Variants in MALRD1 observed in about 807,000 individuals in gnomAD.
MALRD1 encodes MAM and LDL-receptor class A domain-containing protein 1.
MALRD1 carries 247 observed loss-of-function variants against 242.1 expected under a neutral mutation model. The observed-to-expected ratio is 1.02, with a 90% CI of 0.92 to 1.13. MALRD1 has a LOEUF of 1.13. Ranked by LOEUF, MALRD1 falls within the 50% of genes most tolerant of loss-of-function variation. The pLI is 0.00. For missense variants in MALRD1, 2,989 were observed against 2,533.1 expected (o/e 1.18, Z -3.86); for synonymous variants, 995 against 866.6 (o/e 1.15, Z -2.60).
intron 38 of MALRD1, among the ~76,000 whole-genome samples, chr10:19,698,495 G>A (rs946507710): frequency 1.3e-5 from 2 of 152,150 alleles, no homozygotes; most frequent in African/African-American, 2.4e-5. Context: ...GGAGGCAACT[G>A]GAAAGAAAGG....
chr10:19,400,268 C>T (rs151326922), intron 28 of MALRD1, among the ~76,000 whole-genome samples: 161 of 152,248 alleles, frequency 1.1e-3, no homozygotes, highest in African/African-American at 3.7e-3. Flanking sequence ...CTGAAGTCGT[C>T]CTTTTCCTGA....
intron 32 of MALRD1, among the ~76,000 whole-genome samples, chr10:19,550,248 T>G (rs1835419534): frequency 6.6e-6 from 1 of 152,196 alleles, no homozygotes; most frequent in East Asian, 1.9e-4. Context: ...CTATGATACA[T>G]TCTTTACAAC....
chr10:19,724,396 C>G (rs929493736), intron 38 of MALRD1, among the ~76,000 whole-genome samples: 1 of 152,184 alleles, frequency 6.6e-6, no homozygotes, highest in African/African-American at 2.4e-5. Flanking sequence ...TAAAAATTAA[C>G]AAACTTGCAA....
At chr10:19,599,697 A>G (rs1369177009) in intron 34 of MALRD1, among the ~76,000 whole-genome samples, 1 of 152,156 alleles carries the variant, frequency 6.6e-6, no homozygotes. Flanking sequence ...GCAAAGCCAT[A>G]AGGGATAGTA....
At chr10:19,271,331 G>T (rs1228670427) in intron 19 of MALRD1, among the ~76,000 whole-genome samples, 1 of 152,132 alleles carries the variant, frequency 6.6e-6, no homozygotes, top group Non-Finnish European at 1.5e-5. Context: ...ACATGGCATT[G>T]GTTAAAATCT....
chr10:19,590,687 C>CGT (rs1837731000), intron 33 of MALRD1, among the ~76,000 whole-genome samples: 1 of 151,938 alleles, frequency 6.6e-6, no homozygotes, highest in Admixed American at 6.6e-5. Context: ...AAAATTAATA[C>CGT]GTGTATATAT....
chr10:19,047,149 A>G (rs1834357363), upstream of MALRD1, among the ~76,000 whole-genome samples: 1 of 152,174 alleles, frequency 6.6e-6, no homozygotes, highest in Admixed American at 6.5e-5. Flanking sequence ...AGAGTCTTCA[A>G]CGGAAATATG....
intron 36 of MALRD1, among the ~76,000 whole-genome samples, chr10:19,628,786 GT>G (rs1213159570): frequency 6.6e-6 from 1 of 152,170 alleles, no homozygotes; most frequent in African/African-American, 2.4e-5. Flanking sequence ...GGAAAAAAGA[GT>G]TTTTATATTT....
At chr10:19,647,796 A>G (rs1193411497) in intron 36 of MALRD1, among the ~76,000 whole-genome samples, 1 of 152,178 alleles carries the variant, frequency 6.6e-6, no homozygotes, top group Non-Finnish European at 1.5e-5. Context: ...GGAATAACTC[A>G]CATAAGACTT....
intron 35 of MALRD1, among the ~76,000 whole-genome samples, chr10:19,609,626 C>T (rs952448553): frequency 2.0e-5 from 3 of 152,026 alleles, no homozygotes; most frequent in South Asian, 2.1e-4. Flanking sequence ...CATTAATCTC[C>T]GGCACTGTAT....
Position 19,692,582 on chromosome 10 carries a change from A to G in MALRD1, c.6314+28A>G, listed in dbSNP as rs187645173. ...AAGTGATGCCTTTAGTTGCTAAATG[A>G]AATATACCGTAGCAGAAAAATTTTC... is the stretch of plus-strand genomic sequence containing the variant. On this transcript the variant is annotated intron_variant, in intron 38 of 39. Transcript: ENST00000454679. 6.2e-5 allele frequency: 93 copies of G among 1,500,386 alleles called. No homozygotes were observed. The Middle Eastern group carries it at 6.8e-4, about 11-fold the overall frequency. 92.9% of individuals were successfully genotyped at this position (1,500,386 alleles called of 1,614,324 possible).
At chr10:19,098,702 A>C (rs67255451) in intron 4 of MALRD1, among the ~76,000 whole-genome samples, 9,830 of 152,212 alleles carry the variant, frequency 0.065, 464 homozygotes, top group East Asian at 0.27. Context: ...GTCTGGGGCT[A>C]TACCTGAGGT....
chr10:19,051,767 A>C (rs1446535733), intron 1 of MALRD1: 1 of 156,856 alleles, frequency 6.4e-6, no homozygotes, highest in African/African-American at 2.4e-5. Context: ...TTAAAAATAC[A>C]AAAAATTATC....
At chr10:19,249,329 G>A (rs1436639652) in intron 18 of MALRD1, among the ~76,000 whole-genome samples, 2 of 151,744 alleles carry the variant, frequency 1.3e-5, no homozygotes, top group Non-Finnish European at 2.9e-5. Flanking sequence ...GAAAGACACG[G>A]TTTCAAAGTA....
chr10:19,136,701 G>A lies in MALRD1; in HGVS notation c.1331G>A (p.Gly444Asp). The A allele has an allele frequency of 8.1e-7, 1 of 1,231,638 alleles. No homozygotes were observed. Among genetic ancestry groups the A allele is most frequent in the Non-Finnish European group, 1.0e-6 (1 of 987,950 alleles). 76.3% of individuals were successfully genotyped at this position (1,231,638 alleles called of 1,614,324 possible). Residue 444 changes from glycine (G) to aspartate (D), a missense_variant, in exon 10 of 40, where the codon GGC becomes GAC. By Grantham distance (94) the Gly-to-Asp change is moderately conservative. Transcript: ENST00000454679. Reference protein sequence around the residue: ...CSADEFPCTSGQCIAKESVCD... With the variant: ...CSADEFPCTSDQCIAKESVCD... ...GCAGACGAATTCCCTTGCACTAGTGGCCAGTGCATCGCCAAAGAATCTGTC... is the reference window on the plus strand; with the variant it reads ...GCAGACGAATTCCCTTGCACTAGTGACCAGTGCATCGCCAAAGAATCTGTC...
At chr10:19,603,163 A>G (rs2131581820) in intron 34 of MALRD1, among the ~76,000 whole-genome samples, 1 of 152,130 alleles carries the variant, frequency 6.6e-6, no homozygotes, top group East Asian at 1.9e-4. Flanking sequence ...CTCTGATGGT[A>G]ATTTCTTTTG....
chr10:19,294,276 T>A (rs2027119), intron 21 of MALRD1, among the ~76,000 whole-genome samples: 110,756 of 152,064 alleles, frequency 0.73, 41,528 homozygotes, highest in African/African-American at 0.92. Context: ...GCCCCCAAAA[T>A]TTGTAGGAAA....
chr10:19,614,754 G>T (rs2131607796), intron 35 of MALRD1, among the ~76,000 whole-genome samples: 1 of 152,104 alleles, frequency 6.6e-6, no homozygotes, highest in East Asian at 1.9e-4. Context: ...ACTAGAGAGT[G>T]ACACAAGCAG....
intron 26 of MALRD1, among the ~76,000 whole-genome samples, chr10:19,360,023 A>T (rs950119752): frequency 1.9e-4 from 29 of 152,112 alleles, no homozygotes; most frequent in African/African-American, 6.8e-4. Flanking sequence ...GGAATACCTT[A>T]TAATTATCCC....
Sources: gnomAD v4.1 joint callset for allele counts (sites outside exome capture counted in the v4.1 genomes callset) on GRCh38, gnomAD v4.1.1 for gene constraint, MANE v1.5 for transcripts, NCBI Gene and HGNC (gene_info 2026-07-23, HGNC 2026-07-21) for gene names.